Variants in TNIK observed in about 807,000 individuals in gnomAD.
The protein encoded by TNIK is TRAF2 and NCK interacting kinase.
In TNIK, 49 loss-of-function variants were observed where a neutral mutation model predicts 191.3. That is an observed-to-expected ratio of 0.26 (90% CI 0.20 to 0.32). The LOEUF (loss-of-function observed/expected upper bound fraction) is 0.32, where lower values mean the gene tolerates loss of function less well. Ranked by LOEUF, TNIK falls within the 10% of genes least tolerant of loss-of-function variation. The pLI is 1.00. For synonymous variants in TNIK, 594 were observed against 600.9 expected (o/e 0.99, Z 0.17); for missense variants, 1,155 against 1,702.3 (o/e 0.68, Z 5.66).
intron 1 of TNIK, among the ~76,000 whole-genome samples, chr3:171,454,434 TG>T (rs1728568622): frequency 6.6e-6 from 1 of 152,230 alleles, no homozygotes; most frequent in Non-Finnish European, 1.5e-5. Context: ...AGAAATGTAC[TG>T]GGTACTCTCT....
At chr3:171,379,882 G>A (rs189363495) in intron 1 of TNIK, among the ~76,000 whole-genome samples, 10 of 152,158 alleles carry the variant, frequency 6.6e-5, no homozygotes, top group African/African-American at 1.2e-4. Flanking sequence ...GGTGGTACAC[G>A]CCTATAATCC....
At chr3:171,115,712 G>T (rs998965959) in intron 18 of TNIK, among the ~76,000 whole-genome samples, 2 of 152,170 alleles carry the variant, frequency 1.3e-5, no homozygotes. Context: ...AGAAGAAAAG[G>T]GTGAGTTGTA....
intron 2 of TNIK, among the ~76,000 whole-genome samples, chr3:171,351,185 C>T (rs1356792279): frequency 6.6e-6 from 1 of 152,182 alleles, no homozygotes; most frequent in East Asian, 1.9e-4. Context: ...GCCACCATGG[C>T]TGGGCTGCCC....
intron 7 of TNIK, among the ~76,000 whole-genome samples, chr3:171,181,084 C>T (rs1736594166): frequency 6.6e-6 from 1 of 152,190 alleles, no homozygotes; most frequent in African/African-American, 2.4e-5. Context: ...TCAAGCAATC[C>T]TCCCACCTCG....
At chr3:171,278,479 T>TA (rs976412399) in intron 2 of TNIK, among the ~76,000 whole-genome samples, 1 of 151,962 alleles carries the variant, frequency 6.6e-6, no homozygotes, top group African/African-American at 2.4e-5. Context: ...CTTATTTTTT[T>TA]AAAAAAGATA....
intron 23 of TNIK, 140 bp downstream of exon 23, chr3:171,093,695 CAACT>C (rs1722353229): frequency 9.5e-7 from 1 of 1,049,218 alleles, no homozygotes; most frequent in Non-Finnish European, 1.3e-6. Flanking sequence ...TAAAATCACT[CAACT>C]ATTTGGAAGC....
chr3:171,230,126 G>A (rs1473447451), intron 2 of TNIK, among the ~76,000 whole-genome samples: 1 of 152,186 alleles, frequency 6.6e-6, no homozygotes, highest in East Asian at 1.9e-4. Context: ...GGAGAGAAGT[G>A]CCACTGCTAC....
chr3:171,213,301 G>A (rs61792430), intron 3 of TNIK, among the ~76,000 whole-genome samples: 4,849 of 152,154 alleles, frequency 0.032, 108 homozygotes, highest in South Asian at 0.071. Flanking sequence ...AAATAGAAAG[G>A]GAGAAAAACG....
chr3:171,400,268 A>C lies in TNIK; in HGVS notation c.58-30583T>G, dbSNP rs571489053. On this transcript the variant is annotated intron_variant, in intron 1 of 32. Coordinates refer to ENST00000436636, the MANE Select transcript of TNIK (RefSeq NM_015028.4). ...CCTGGTGTTCTCATTTTCCTCATAGAAAATGCTAGATTCAGGCCAGGCACG... is the reference window on the plus strand; with the variant it reads ...CCTGGTGTTCTCATTTTCCTCATAGCAAATGCTAGATTCAGGCCAGGCACG... Among the ~76,000 whole-genome samples, 113 of 152,262 alleles carry C rather than the reference A, an allele frequency of 7.4e-4. 1 individual carries two copies. The highest frequency in any genetic ancestry group is 2.6e-3 in the African/African-American group (109 of 41,544).
chr3:171,349,959 T>C (rs1231889912), intron 2 of TNIK, among the ~76,000 whole-genome samples: 1 of 152,170 alleles, frequency 6.6e-6, no homozygotes, highest in Non-Finnish European at 1.5e-5. Flanking sequence ...TAGTGGCCAA[T>C]GAAATCTTTC....
intron 2 of TNIK, among the ~76,000 whole-genome samples, chr3:171,351,744 T>C (rs370205456): frequency 1.3e-5 from 2 of 152,182 alleles, no homozygotes; most frequent in East Asian, 3.9e-4. Flanking sequence ...ACTGCCAGAA[T>C]TGAGATCTCC....
intron 4 of TNIK, among the ~76,000 whole-genome samples, chr3:171,197,196 C>T (rs1448432303): frequency 7.3e-6 from 1 of 136,792 alleles, no homozygotes; most frequent in Non-Finnish European, 1.6e-5. Context: ...TGGATATTCA[C>T]ATGCAAAAAA....
intron 1 of TNIK, among the ~76,000 whole-genome samples, chr3:171,450,317 G>A (rs976405263): frequency 1.3e-5 from 2 of 152,224 alleles, no homozygotes; most frequent in African/African-American, 4.8e-5. Flanking sequence ...TCACAGTGGA[G>A]CACAGGCTAT....
In TNIK at chr3:171,063,738, G is replaced by T; in HGVS notation, c.*143C>A. ...CATTGAAAGATGGACTGTACTGGGA[G>T]GGGCGGAGGGAGAGGAAAAAGGGAA... is the stretch of plus-strand genomic sequence containing the variant. On this transcript the variant is annotated 3_prime_UTR_variant, in exon 33 of 33. Coordinates refer to ENST00000436636, the MANE Select transcript of TNIK (RefSeq NM_015028.4). 2 of 730,476 alleles carry T rather than the reference G, an allele frequency of 2.7e-6. No individual in the cohort carries two copies. The highest frequency in any genetic ancestry group is 1.9e-5 in the South Asian group (1 of 51,652). The allele number at this position is 730,476 out of a possible 1,614,324, so 45.2% of individuals were successfully genotyped here.
chr3:171,117,405 G>A (rs1726899797), intron 18 of TNIK, among the ~76,000 whole-genome samples: 1 of 151,884 alleles, frequency 6.6e-6, no homozygotes, highest in Admixed American at 6.6e-5. Flanking sequence ...TTGTCACCTT[G>A]GACACATGTT....
chr3:171,087,360 C>T lies in TNIK; in HGVS notation c.2868G>A (p.Glu956=). 6.2e-7 allele frequency: 1 copy of T among 1,613,954 alleles called. No individual in the cohort carries two copies. Among genetic ancestry groups the T allele is most frequent in the Non-Finnish European group, 8.5e-7 (1 of 1,179,882 alleles). ...GLGRVSTHSQ[E]MDSGTEYGMG... Reference sequence around the variant, plus strand: ...CACCTACTTCAGTCCCAGAGTCCATCTCCTGGGAATGGGTTGAGACGCGCC... The same window carrying T: ...CACCTACTTCAGTCCCAGAGTCCATTTCCTGGGAATGGGTTGAGACGCGCC... The change falls in exon 24 of 33, where the codon GAG becomes GAA. Residue 956 remains glutamate, a synonymous_variant. Coordinates refer to ENST00000436636, the MANE Select transcript of TNIK (RefSeq NM_015028.4).
At chr3:171,170,409 C>T (rs6809184) in intron 9 of TNIK, among the ~76,000 whole-genome samples, 9,307 of 152,222 alleles carry the variant, frequency 0.061, 359 homozygotes, top group African/African-American at 0.099. Flanking sequence ...ACTCCCTAAA[C>T]GCAATTTGGC....
At position 171,063,579 on chromosome 3, in the gene TNIK, A is replaced by G. The variant is rs1718053841; in HGVS notation, c.*302T>C. ...ACCATAACACAGCTTAATCGTTAAG[A>G]GCACACAATATTTGTTTCTATCCCT... is the stretch of plus-strand genomic sequence containing the variant. On this transcript the variant is annotated 3_prime_UTR_variant, in exon 33 of 33. Transcript: ENST00000436636. The G allele has an allele frequency of 3.8e-6, 1 of 263,402 alleles. No homozygotes were observed. The highest frequency in any genetic ancestry group is 7.1e-6 in the Non-Finnish European group (1 of 140,102). The allele number at this position is 263,402 out of a possible 1,614,324, so 16.3% of individuals were successfully genotyped here. A position where few individuals can be genotyped will look rare whatever the true frequency, so the allele number is the denominator to read the frequency against.
intron 9 of TNIK, among the ~76,000 whole-genome samples, chr3:171,173,379 G>C (rs367636476): frequency 2.1e-5 from 3 of 144,130 alleles, no homozygotes; most frequent in African/African-American, 5.2e-5. Context: ...CTGGGCGACA[G>C]AGCGAGACTC....
Sources: allele counts gnomAD v4.1 joint callset (sites outside exome capture counted in the v4.1 genomes callset), GRCh38; gene constraint gnomAD v4.1.1; transcripts MANE v1.5; gene names NCBI Gene and HGNC (gene_info 2026-07-23, HGNC 2026-07-21).